TXLNB: variants seen among roughly 807,000 people sequenced by gnomAD.
The protein encoded by TXLNB is taxilin beta.
Under a neutral mutation model 57.4 loss-of-function variants are expected in TXLNB, and 37 were observed. The observed-to-expected ratio is 0.64, with a 90% CI of 0.50 to 0.85. The LOEUF (loss-of-function observed/expected upper bound fraction) is 0.85, where lower values mean the gene tolerates loss of function less well. TXLNB is among the 40% of genes least tolerant of loss of function. The probability of loss-of-function intolerance (pLI) is 0.00; values close to 1 mark genes in which losing one functional copy is unlikely to be tolerated. For synonymous variants in TXLNB, 302 were observed against 309.6 expected (o/e 0.98, Z 0.26); for missense variants, 848 against 825.6 (o/e 1.03, Z -0.33).
the TXLNB span, among the ~76,000 whole-genome samples, chr6:139,191,274 C>T: frequency 5.9e-5 from 9 of 152,200 alleles, no homozygotes; most frequent in African/African-American, 1.7e-4. Context: ...CAAACTTAGC[C>T]GGGCTTGGTG....
intron 7 of TXLNB, among the ~76,000 whole-genome samples, chr6:139,248,252 G>T (rs1024433690): frequency 3.4e-5 from 5 of 148,058 alleles, no homozygotes; most frequent in African/African-American, 1.3e-4. Context: ...CAGCCTGGGC[G>T]ACAGAGCGAG....
At chr6:139,213,726 A>G in the TXLNB span, among the ~76,000 whole-genome samples, 1 of 152,136 alleles carries the variant, frequency 6.6e-6, no homozygotes, top group East Asian at 1.9e-4. Context: ...TTGATAGACC[A>G]CTAGCAAGAC....
At chr6:139,311,479 G>A in the TXLNB span, among the ~76,000 whole-genome samples, 1 of 109,894 alleles carries the variant, frequency 9.1e-6, no homozygotes, top group East Asian at 3.2e-4. Context: ...CCATGATTCT[G>A]AGACTTTACT....
chr6:139,243,381 A>G, intron 9 of TXLNB, 67 bp from the exon 10 acceptor site: 1 of 1,472,834 alleles, frequency 6.8e-7, no homozygotes. Context: ...AATGTCCAGG[A>G]TGCTTTCTGG....
chr6:139,267,693 A>G (rs188341651), intron 4 of TXLNB, among the ~76,000 whole-genome samples: 1 of 152,318 alleles, frequency 6.6e-6, no homozygotes, highest in Admixed American at 6.5e-5. Context: ...TACTGTAGGA[A>G]TGAAAAGAAG....
chr6:139,201,223 T>C, the TXLNB span, among the ~76,000 whole-genome samples: 1 of 152,196 alleles, frequency 6.6e-6, no homozygotes, highest in African/African-American at 2.4e-5. Context: ...TCCTGTGAAG[T>C]GAAATTGATG....
chr6:139,251,508 C>T (rs544011138), intron 7 of TXLNB: 1 of 152,352 alleles, frequency 6.6e-6, no homozygotes, highest in African/African-American at 2.4e-5. Flanking sequence ...CGTCTTCCCT[C>T]TCACTATCGT....
chr6:139,202,438 C>A, the TXLNB span, among the ~76,000 whole-genome samples: 1 of 152,124 alleles, frequency 6.6e-6, no homozygotes, highest in Non-Finnish European at 1.5e-5. Flanking sequence ...TAAAAACTTA[C>A]GTGTATGTAC....
intron 6 of TXLNB, 62 bp downstream of exon 6, chr6:139,260,256 G>A: frequency 6.5e-7 from 1 of 1,550,236 alleles, no homozygotes; most frequent in Non-Finnish European, 8.7e-7. Context: ...AAAACAACTT[G>A]CTCAGAGTGT....
chr6:139,288,277 G>T (rs1777222305), intron 2 of TXLNB, among the ~76,000 whole-genome samples, 199 bp downstream of exon 2: 1 of 152,198 alleles, frequency 6.6e-6, no homozygotes, highest in Admixed American at 6.5e-5. Context: ...GGAACAAAGG[G>T]TCAATGGGTA....
intron 3 of TXLNB, among the ~76,000 whole-genome samples, chr6:139,273,488 G>A (rs189396129): frequency 4.6e-5 from 7 of 152,274 alleles, no homozygotes; most frequent in East Asian, 1.9e-4. Context: ...TAGAGACAGC[G>A]TCTTGCTCAG....
At chr6:139,263,926 C>A (rs1277551722) in intron 4 of TXLNB, among the ~76,000 whole-genome samples, 1 of 152,106 alleles carries the variant, frequency 6.6e-6, no homozygotes, top group Non-Finnish European at 1.5e-5. Context: ...ATTGTACAGA[C>A]CTTTATCATA....
At chr6:139,280,471 G>A (rs6937077) in intron 2 of TXLNB, among the ~76,000 whole-genome samples, 41,764 of 151,578 alleles carry the variant, frequency 0.28, 5,823 homozygotes, top group South Asian at 0.32. Flanking sequence ...TAGTAAAACC[G>A]CGTCTCTACT....
At chr6:139,210,234 G>A in the TXLNB span, among the ~76,000 whole-genome samples, 1 of 152,110 alleles carries the variant, frequency 6.6e-6, no homozygotes, top group Non-Finnish European at 1.5e-5. Context: ...GGGGTGTGGT[G>A]AGAGGGAACA....
At chr6:139,276,314 T>G (rs1377568535) in intron 3 of TXLNB, among the ~76,000 whole-genome samples, 1 of 152,206 alleles carries the variant, frequency 6.6e-6, no homozygotes, top group East Asian at 1.9e-4. Context: ...TCTCAATAAC[T>G]TCTATAAAAA....
the TXLNB span, among the ~76,000 whole-genome samples, chr6:139,199,222 A>G: frequency 3.3e-4 from 50 of 151,976 alleles, no homozygotes; most frequent in Non-Finnish European, 1.3e-4. Flanking sequence ...TTTGCAAACT[A>G]AATTATTTTT....
chr6:139,318,176 A>C, the TXLNB span, among the ~76,000 whole-genome samples: 17 of 149,808 alleles, frequency 1.1e-4, no homozygotes, highest in African/African-American at 3.9e-4. Flanking sequence ...AGGCTGAGGC[A>C]GGAGAATGGC....
At chr6:139,170,934 T>C in the TXLNB span, among the ~76,000 whole-genome samples, 6 of 152,210 alleles carry the variant, frequency 3.9e-5, no homozygotes, top group Admixed American at 6.5e-5. Flanking sequence ...CAAGAGGTTA[T>C]TTTAAAGAAA....
the TXLNB span, chr6:139,177,288 T>C: frequency 2.1e-6 from 1 of 483,790 alleles, no homozygotes; most frequent in Non-Finnish European, 3.7e-6. This position sits in a 1 kb window ranked among gnomAD's most constrained non-coding sequence, Gnocchi z 4.9. Context: ...TGTTAATCTG[T>C]GGTTTTGACC....
Sources: allele counts gnomAD v4.1 joint callset (sites outside exome capture counted in the v4.1 genomes callset), GRCh38; gene constraint gnomAD v4.1.1; non-coding constraint Gnocchi (gnomAD v3.1); transcripts MANE v1.5; gene names NCBI Gene and HGNC (gene_info 2026-07-23, HGNC 2026-07-21).